Variants in ARHGAP6 observed in about 807,000 individuals in gnomAD.
ARHGAP6 encodes the protein rho GTPase-activating protein 6.
Under a neutral mutation model 55.7 loss-of-function variants are expected in ARHGAP6, and 16 were observed. The ratio of observed to expected loss-of-function variants is 0.29; its 90% CI spans 0.19 to 0.44. The LOEUF (loss-of-function observed/expected upper bound fraction) is 0.44. Among genes scored for constraint, ARHGAP6 ranks in the 20% least tolerant of loss-of-function variants. The probability of loss-of-function intolerance (pLI) is 1.00; values close to 1 mark genes in which losing one functional copy is unlikely to be tolerated. For missense variants in ARHGAP6, 698 were observed against 808.9 expected (o/e 0.86, Z 1.66); for synonymous variants, 382 against 360.9 (o/e 1.06, Z -0.66).
At chrX:11,558,287 T>C (rs1382943485) in intron 1 of ARHGAP6, among the ~76,000 whole-genome samples, 2 of 111,661 alleles carry the variant, frequency 1.8e-5, no homozygotes, top group African/African-American at 6.5e-5. Context: ...TTGTGCTGAG[T>C]GAGGCAATGG....
intron 1 of ARHGAP6, among the ~76,000 whole-genome samples, chrX:11,559,290 T>C (rs2051358314): frequency 9.0e-6 from 1 of 110,970 alleles, no homozygotes; most frequent in African/African-American, 3.3e-5. Flanking sequence ...TAAAGCTGTT[T>C]AAGATCTCAG....
rs757863575 is a variant in ARHGAP6, at chrX:11,139,145, C to T, written c.2643G>A (p.Pro881=). Reference sequence around the variant, plus strand: ...GCTTCCCTGGGCCCGGGTATGGAGGCGGGGGCCGCTTGTCATCCCTCCCAC... The same window carrying T: ...GCTTCCCTGGGCCCGGGTATGGAGGTGGGGGCCGCTTGTCATCCCTCCCAC... ...HGSGRDDKRP[P]PPYPGPGKPA... The change falls in exon 13 of 13, where the codon CCG becomes CCA. Residue 881 remains proline (P), a synonymous_variant. Transcript: ENST00000337414. The T allele has an allele frequency of 1.1e-5, 13 of 1,204,305 alleles. No individual in the cohort carries two copies. The Admixed American group carries it at 2.0e-4, about 18-fold the overall frequency.
chrX:11,282,277 A>C (rs2047866032), intron 1 of ARHGAP6, among the ~76,000 whole-genome samples: 1 of 112,131 alleles, frequency 8.9e-6, no homozygotes, highest in Non-Finnish European at 1.9e-5. Context: ...TAGCAGCCTC[A>C]AGTGGACTCT....
In ARHGAP6 at chrX:11,203,733, TAAAC is replaced by T. The variant is rs914206969; in HGVS notation, c.749-6741_749-6738del. Among the ~76,000 whole-genome samples, 2 of 111,798 alleles carry T rather than the reference TAAAC, an allele frequency of 1.8e-5. 1 individual carries two copies. The highest frequency in any genetic ancestry group is 3.8e-5 in the Non-Finnish European group (2 of 53,141). On this transcript the variant is annotated intron_variant, in intron 2 of 12. Transcript: ENST00000337414. ...CCAACAAGATTGAAGACCACTATTT[TAAAC>T]AAACAGTGGACCCTTCTCCACACCA...
At chrX:11,649,996 T>C (rs949163042) in intron 1 of ARHGAP6, among the ~76,000 whole-genome samples, 4 of 105,201 alleles carry the variant, frequency 3.8e-5, no homozygotes, top group African/African-American at 6.9e-5. Context: ...CTTTTCTTTT[T>C]TTTTTTTTTT....
intron 1 of ARHGAP6, among the ~76,000 whole-genome samples, chrX:11,490,667 C>T (rs775752072): frequency 2.9e-4 from 33 of 112,231 alleles, no homozygotes; most frequent in African/African-American, 1.0e-3. Flanking sequence ...AACTGCAATT[C>T]GTTTCCAGGT....
At chrX:11,192,540 TAC>T (rs1221739723) in intron 3 of ARHGAP6, among the ~76,000 whole-genome samples, 1 of 112,368 alleles carries the variant, frequency 8.9e-6, no homozygotes, top group Non-Finnish European at 1.9e-5. Context: ...TGAGAATTTC[TAC>T]ATAGTGATAA....
chrX:11,508,954 G>A (rs1420712294), intron 1 of ARHGAP6, among the ~76,000 whole-genome samples: 1 of 110,254 alleles, frequency 9.1e-6, no homozygotes, highest in Non-Finnish European at 1.9e-5. Flanking sequence ...TATCATTTAG[G>A]TTTCTTTATT....
rs191125750 is a variant in ARHGAP6 at position 11,658,582 on chromosome X, C to T, written c.588+5659G>A. Among the ~76,000 whole-genome samples, 5 of 108,465 alleles carry T rather than the reference C, an allele frequency of 4.6e-5. No individual in the cohort carries two copies. The East Asian group carries it at 1.4e-3, about 31-fold the overall frequency. 94.2% of individuals were successfully genotyped at this position (108,465 alleles called of 115,157 possible). On this transcript the variant is annotated intron_variant, in intron 1 of 12. Transcript: ENST00000337414. ...CATTTTAAAATTTAATTCCAGTTTCCATCATTATATATTTACCATTCACTT... is the reference window on the plus strand; with the variant it reads ...CATTTTAAAATTTAATTCCAGTTTCTATCATTATATATTTACCATTCACTT...
At chrX:11,468,410 C>T (rs2050316760) in intron 1 of ARHGAP6, among the ~76,000 whole-genome samples, 1 of 112,000 alleles carries the variant, frequency 8.9e-6, no homozygotes, top group South Asian at 3.8e-4. Flanking sequence ...TTTCTAAAGC[C>T]TTCTGCCTTC....
chrX:11,250,491 A>C (rs1980244105), intron 2 of ARHGAP6, among the ~76,000 whole-genome samples: 1 of 111,456 alleles, frequency 9.0e-6, no homozygotes, highest in African/African-American at 3.3e-5. Flanking sequence ...AGAAATCTGA[A>C]ATGGGTCTCG....
At chrX:11,249,185 A>G (rs1487120263) in intron 2 of ARHGAP6, among the ~76,000 whole-genome samples, 2 of 111,798 alleles carry the variant, frequency 1.8e-5, no homozygotes, top group African/African-American at 6.5e-5. Flanking sequence ...AAAACTAGAC[A>G]TTGTATGTTC....
chrX:11,155,665 A>C (rs2045854430), intron 10 of ARHGAP6, among the ~76,000 whole-genome samples: 1 of 112,092 alleles, frequency 8.9e-6, no homozygotes, highest in Non-Finnish European at 1.9e-5. Flanking sequence ...CGTATCTTAG[A>C]ATTGCTGAAA....
At chrX:11,148,255 C>A (rs2045725331) in intron 10 of ARHGAP6, among the ~76,000 whole-genome samples, 1 of 111,968 alleles carries the variant, frequency 8.9e-6, no homozygotes, top group Admixed American at 9.4e-5. Flanking sequence ...TTAAAATACT[C>A]ATGTATCTAT....
chrX:11,248,210 C>T (rs1242673848), intron 2 of ARHGAP6, among the ~76,000 whole-genome samples: 1 of 111,233 alleles, frequency 9.0e-6, no homozygotes, highest in African/African-American at 3.3e-5. Context: ...GCCCTTCTCA[C>T]CCCATTGCCA....
chrX:11,453,807 C>T (rs763011001), intron 1 of ARHGAP6, among the ~76,000 whole-genome samples: 2 of 112,048 alleles, frequency 1.8e-5, no homozygotes, highest in East Asian at 5.6e-4. Context: ...TACATGTCAA[C>T]TCTCAGTCTT....
At chrX:11,167,900 A>G (rs1354475586) in intron 9 of ARHGAP6, among the ~76,000 whole-genome samples, 1 of 112,161 alleles carries the variant, frequency 8.9e-6, no homozygotes, top group Non-Finnish European at 1.9e-5. Flanking sequence ...TCAATTATTA[A>G]TTCAACATTT....
intron 1 of ARHGAP6, among the ~76,000 whole-genome samples, chrX:11,600,527 C>T (rs1170090335): frequency 8.9e-6 from 1 of 112,477 alleles, no homozygotes; most frequent in Admixed American, 9.4e-5. Context: ...AAATCTCTGC[C>T]TGAGGGCTTT....
intron 2 of ARHGAP6, among the ~76,000 whole-genome samples, chrX:11,225,327 T>A (rs763561128): frequency 1.8e-5 from 2 of 111,386 alleles, no homozygotes; most frequent in African/African-American, 6.5e-5. Flanking sequence ...TAAAAAAGAA[T>A]GTTTCTTAGG....
Sources: gnomAD v4.1 joint callset for allele counts (sites outside exome capture counted in the v4.1 genomes callset) on GRCh38, gnomAD v4.1.1 for gene constraint, MANE v1.5 for transcripts, NCBI Gene and HGNC (gene_info 2026-07-23, HGNC 2026-07-21) for gene names.